NR2C2: variants seen among roughly 807,000 people sequenced by gnomAD.
The protein encoded by NR2C2 is Nuclear hormone receptor TR4.
A neutral mutation model predicts 62.9 loss-of-function variants in NR2C2; 6 were observed. The ratio of observed to expected loss-of-function variants is 0.10; its 90% CI spans 0.05 to 0.19. The LOEUF is 0.19. Ranked by LOEUF, NR2C2 falls within the 10% of genes least tolerant of loss-of-function variation. The probability of loss-of-function intolerance (pLI) is 1.00; values close to 1 mark genes in which losing one functional copy is unlikely to be tolerated. For missense variants in NR2C2, 479 were observed against 762.7 expected (o/e 0.63, Z 4.38); for synonymous variants, 272 against 273.8 (o/e 0.99, Z 0.07).
At chr3:14,965,826 G>C (rs1009547298) in intron 1 of NR2C2, among the ~76,000 whole-genome samples, 2 of 152,048 alleles carry the variant, frequency 1.3e-5, no homozygotes, top group African/African-American at 4.8e-5. Context: ...ACTATGCCTG[G>C]CTAATTTTTT....
intron 2 of NR2C2, among the ~76,000 whole-genome samples, chr3:15,008,357 A>G (rs1353019892): frequency 2.6e-5 from 4 of 151,890 alleles, no homozygotes; most frequent in Admixed American, 1.3e-4. Context: ...CGTCATCTCT[A>G]TAAAAAATAC....
intron 2 of NR2C2, among the ~76,000 whole-genome samples, chr3:15,008,951 C>T (rs7632736): frequency 2.0e-5 from 3 of 152,070 alleles, no homozygotes; most frequent in Admixed American, 6.6e-5. Context: ...TCGGGCGCGG[C>T]GGCTAGTGCC....
intron 11 of NR2C2, 136 bp from the exon 12 acceptor site, chr3:15,037,864 T>C (rs2042147433): frequency 3.2e-6 from 3 of 945,776 alleles, no homozygotes; most frequent in Non-Finnish European, 4.7e-6. Flanking sequence ...AAAATGAAGC[T>C]CTTGTTCACC....
chr3:14,996,195 G>A (rs575810059), intron 1 of NR2C2, among the ~76,000 whole-genome samples: 74 of 152,104 alleles, frequency 4.9e-4, no homozygotes, highest in Non-Finnish European at 9.6e-4. Flanking sequence ...GTATTTTGTT[G>A]TTGTTGCTTT....
At chr3:15,038,198 C>G in intron 12 of NR2C2, 61 bp downstream of exon 12, 1 of 1,500,776 alleles carries the variant, frequency 6.7e-7, no homozygotes, top group South Asian at 1.3e-5. Context: ...TGTTTCTGAA[C>G]GTGAACATGT....
chr3:15,042,938 G>A lies in NR2C2; in HGVS notation c.1721G>A (p.Ser574Asn). Residue 574 changes from serine to asparagine, a missense_variant, in exon 14 of 14, where the codon AGC (serine) becomes AAC (asparagine). Transcript: ENST00000425241. ...CTCATTGGCAATGTTTCGATAGACA[G>A]CATAATCCCCTACATCCTCAAGATG... ...TGLIGNVSID[S>N]IIPYILKMET... is the part of the protein sequence containing the mutation. The A allele has an allele frequency of 6.2e-7, 1 of 1,614,194 alleles. No homozygotes were observed. Among genetic ancestry groups the A allele is most frequent in the Middle Eastern group, 1.6e-4 (1 of 6,062 alleles).
rs1225650257 is a variant in NR2C2 at position 15,003,858 on chromosome 3, C to T, written c.-39-18C>T. 11 of 1,550,150 alleles carry T rather than the reference C, an allele frequency of 7.1e-6. No individual in the cohort carries two copies. The highest frequency in any genetic ancestry group is 4.5e-5 in the East Asian group (2 of 44,484). ...CATTCTGAACCCCCTTGTGATCCAGCCCACTTCTCACCCACAGGTAACACG... is the reference window on the plus strand; with the variant it reads ...CATTCTGAACCCCCTTGTGATCCAGTCCACTTCTCACCCACAGGTAACACG... On this transcript the variant is annotated intron_variant, in intron 1 of 13. Coordinates refer to ENST00000425241, the MANE Select transcript of NR2C2 (RefSeq NM_001291694.2).
At chr3:14,951,628 T>C (rs2039361379) in intron 1 of NR2C2, among the ~76,000 whole-genome samples, 1 of 152,204 alleles carries the variant, frequency 6.6e-6, no homozygotes, top group African/African-American at 2.4e-5. Flanking sequence ...TTAAGTTATT[T>C]ATTGCTTTCA....
chr3:15,045,168 C>G lies in NR2C2; in HGVS notation c.*2160C>G, dbSNP rs2042406006. On this transcript the variant is annotated 3_prime_UTR_variant, in exon 14 of 14. Coordinates refer to ENST00000425241, the MANE Select transcript of NR2C2 (RefSeq NM_001291694.2). ...GCAGGCATCCTGCAGCTCAGTGGTG[C>G]CTCTAACACAGATTGTTGCCTGCCT... is the stretch of plus-strand genomic sequence containing the variant. 1 of 152,152 alleles carries G rather than the reference C, an allele frequency of 6.6e-6. No homozygotes were observed. Among genetic ancestry groups the G allele is most frequent in the Non-Finnish European group, 1.5e-5 (1 of 68,034 alleles). The allele number at this position is 152,152 out of a possible 1,614,324, so 9.4% of individuals were successfully genotyped here.
At chr3:15,001,006 G>A (rs747756321) in intron 1 of NR2C2, among the ~76,000 whole-genome samples, 128 of 151,928 alleles carry the variant, frequency 8.4e-4, no homozygotes, top group Non-Finnish European at 7.7e-4. Context: ...AGTAGAGACA[G>A]GGTTTCACTG....
At position 14,981,190 on chromosome 3, in the gene NR2C2, G is replaced by A. The variant is rs549231255; in HGVS notation, c.-39-22686G>A. On this transcript the variant is annotated intron_variant, in intron 1 of 13. Coordinates refer to ENST00000425241, the MANE Select transcript of NR2C2 (RefSeq NM_001291694.2). ...ATTTAGTCTTAACATAAAGCCACAGGGTGCAATGGCTCACACCTGTAATCG... is the reference window on the plus strand; with the variant it reads ...ATTTAGTCTTAACATAAAGCCACAGAGTGCAATGGCTCACACCTGTAATCG... 2.6e-5 allele frequency among the ~76,000 whole-genome samples: 4 copies of A among 152,268 alleles called. No individual in the cohort carries two copies. In the South Asian group the frequency reaches 8.3e-4, roughly 32 times the overall value.
chr3:15,007,516 A>G (rs1220116805), intron 2 of NR2C2, among the ~76,000 whole-genome samples: 1 of 152,206 alleles, frequency 6.6e-6, no homozygotes, highest in Non-Finnish European at 1.5e-5. Context: ...CCATAAATTG[A>G]AATTGTTTAC....
Position 15,048,983 on chromosome 3 carries a change from A to C in NR2C2, c.*5975A>C, listed in dbSNP as rs1275234607. ...CATTACATTTTAATGCCAGGTTTAAAACCTGTTGAAAGCTGCAGCTTTATA... is the reference window on the plus strand; with the variant it reads ...CATTACATTTTAATGCCAGGTTTAACACCTGTTGAAAGCTGCAGCTTTATA... On this transcript the variant is annotated 3_prime_UTR_variant, in exon 14 of 14. Transcript: ENST00000425241. 1.3e-5 allele frequency: 2 copies of C among 152,664 alleles called. No homozygotes were observed. The highest frequency in any genetic ancestry group is 2.9e-5 in the Non-Finnish European group (2 of 68,046). The allele number at this position is 152,664 out of a possible 1,614,324, so 9.5% of individuals were successfully genotyped here.
intron 1 of NR2C2, among the ~76,000 whole-genome samples, chr3:14,982,336 A>C (rs879396656): frequency 2.6e-5 from 4 of 152,182 alleles, no homozygotes; most frequent in Non-Finnish European, 5.9e-5. Context: ...CCCATTCTAA[A>C]TTTTTAAATT....
At position 15,046,026 on chromosome 3, in the gene NR2C2, A is replaced by AT. The variant is rs2042436689; in HGVS notation, c.*3024dup. On this transcript the variant is annotated 3_prime_UTR_variant, in exon 14 of 14. Coordinates refer to ENST00000425241, the MANE Select transcript of NR2C2 (RefSeq NM_001291694.2). ...TTAGCATAAAACAGGACAGGAAGAGATTTTTTGAAAGACCAAATTAGTTGA... is the reference window on the plus strand; with the variant it reads ...TTAGCATAAAACAGGACAGGAAGAGATTTTTTTGAAAGACCAAATTAGTTGA... The AT allele has an allele frequency of 6.6e-6, 1 of 152,200 alleles. No individual in the cohort carries two copies. Among genetic ancestry groups the AT allele is most frequent in the African/African-American group, 2.4e-5 (1 of 41,454 alleles). 9.4% of individuals were successfully genotyped at this position (152,200 alleles called of 1,614,324 possible). A position where few individuals can be genotyped will look rare whatever the true frequency, so the allele number is the denominator to read the frequency against.
intron 1 of NR2C2, among the ~76,000 whole-genome samples, chr3:14,997,563 C>T (rs372416340): frequency 2.3e-3 from 349 of 152,270 alleles, no homozygotes; most frequent in African/African-American, 7.9e-3. Context: ...ACATACCTTG[C>T]AGGATCTCAG....
intron 2 of NR2C2, among the ~76,000 whole-genome samples, chr3:15,008,951 C>G (rs7632736): frequency 6.6e-6 from 1 of 152,070 alleles, no homozygotes; most frequent in Non-Finnish European, 1.5e-5. Flanking sequence ...TCGGGCGCGG[C>G]GGCTAGTGCC....
rs761209210 is a variant in NR2C2 at position 14,999,000 on chromosome 3, C to T, written c.-39-4876C>T. On this transcript the variant is annotated intron_variant, in intron 1 of 13. Transcript: ENST00000425241. The stretch of plus-strand genomic sequence containing the variant: ...TGGCCTGGGCATCCAGGAGTGAGAC[C>T]GTGTCTCAAAAAACAAAAAAAAAAT... Among the ~76,000 whole-genome samples the T allele has an allele frequency of 5.1e-4, 78 of 151,670 alleles. 1 individual carries two copies. Among genetic ancestry groups the T allele is most frequent in the Admixed American group, 3.8e-3 (58 of 15,230 alleles).
intron 11 of NR2C2, among the ~76,000 whole-genome samples, chr3:15,035,264 C>T (rs1198953460): frequency 2.0e-5 from 3 of 152,196 alleles, no homozygotes; most frequent in Admixed American, 1.3e-4. Context: ...GTACTCCATC[C>T]TGGGTAATAG....
Sources: allele counts gnomAD v4.1 joint callset (sites outside exome capture counted in the v4.1 genomes callset), GRCh38; gene constraint gnomAD v4.1.1; transcripts MANE v1.5; gene names NCBI Gene and HGNC (gene_info 2026-07-23, HGNC 2026-07-21).